Variants in MYT1L observed in about 807,000 individuals in gnomAD.
The protein encoded by MYT1L is myelin transcription factor 1-like protein.
MYT1L carries 12 observed loss-of-function variants against 126.7 expected under a neutral mutation model. The ratio of observed to expected loss-of-function variants is 0.09; its 90% CI spans 0.06 to 0.15. The LOEUF (loss-of-function observed/expected upper bound fraction) is 0.15. Among genes scored for constraint, MYT1L ranks in the 10% least tolerant of loss-of-function variants. The pLI is 1.00. For missense variants in MYT1L, 979 were observed against 1,585.2 expected, an observed-to-expected ratio of 0.62 and a Z score of 6.49; for synonymous variants, 541 against 604.2, an observed-to-expected ratio of 0.90 and a Z score of 1.53.
chr2:2,149,722 C>T (rs2085443608), intron 3 of MYT1L, among the ~76,000 whole-genome samples: 1 of 152,210 alleles, frequency 6.6e-6, no homozygotes, highest in Admixed American at 6.5e-5. Flanking sequence ...GAAGAAGGAA[C>T]AGAAGTTCCC....
chr2:2,017,677 C>T (rs990894498), intron 4 of MYT1L, among the ~76,000 whole-genome samples: 1 of 152,154 alleles, frequency 6.6e-6, no homozygotes, highest in African/African-American at 2.4e-5. Flanking sequence ...CTTTAGGTTG[C>T]AAAATTATAA....
At chr2:1,986,660 A>T (rs2061047663) in intron 5 of MYT1L, among the ~76,000 whole-genome samples, 2 of 152,198 alleles carry the variant, frequency 1.3e-5, no homozygotes, top group African/African-American at 2.4e-5. Context: ...TACGTCATGT[A>T]CGATAACAGC....
intron 18 of MYT1L, among the ~76,000 whole-genome samples, chr2:1,866,758 GGGGAGAGAGGCA>G (rs2045597872): frequency 1.9e-5 from 1 of 51,952 alleles, no homozygotes; most frequent in African/African-American, 1.1e-4. Context: ...AGAGAGGGAG[GGGGAGAGAGGCA>G]GAGAGAGAGA....
intron 3 of MYT1L, among the ~76,000 whole-genome samples, chr2:2,161,043 C>G (rs1223928421): frequency 6.6e-6 from 1 of 151,966 alleles, no homozygotes; most frequent in South Asian, 2.1e-4. Context: ...GTGGTGAAAC[C>G]CCATCTCTAC....
In MYT1L at chr2:1,943,445, C is replaced by T. The variant is rs2056889480; in HGVS notation, c.153-111G>A. 8.2e-7 allele frequency: 1 copy of T among 1,226,764 alleles called. No individual in the cohort carries two copies. Among genetic ancestry groups the T allele is most frequent in the Non-Finnish European group, 1.1e-6 (1 of 910,792 alleles). The allele number at this position is 1,226,764 out of a possible 1,614,324, so 76.0% of individuals were successfully genotyped here. On this transcript the variant is annotated intron_variant, in intron 8 of 24. Transcript: ENST00000647738. This position sits in a 1 kb window ranked among gnomAD's most constrained non-coding sequence, Gnocchi z 4.4. ...TTGATCAAGGTACTTAAAGGCTTAT[C>T]ATGAATGTCATCAGCACAAACACCA...
chr2:1,836,783 C>T (rs2040965399), intron 21 of MYT1L, among the ~76,000 whole-genome samples: 1 of 150,582 alleles, frequency 6.6e-6, no homozygotes, highest in Non-Finnish European at 1.5e-5. Flanking sequence ...TCAGCCTGCA[C>T]CCCAAGATCC....
At chr2:1,838,444 A>T (rs905712387) in intron 21 of MYT1L, among the ~76,000 whole-genome samples, 22 of 152,146 alleles carry the variant, frequency 1.4e-4, no homozygotes, top group African/African-American at 5.3e-4. Context: ...CAGAAAGGAA[A>T]CCATTGTAAA....
chr2:2,295,110 T>A (rs780956581), intron 1 of MYT1L, among the ~76,000 whole-genome samples: 11 of 152,008 alleles, frequency 7.2e-5, no homozygotes, highest in Non-Finnish European at 1.5e-4. Flanking sequence ...CTGATCACAG[T>A]CTGTGATACT....
intron 2 of MYT1L, among the ~76,000 whole-genome samples, chr2:2,226,307 A>G (rs2094007553): frequency 6.6e-6 from 1 of 152,030 alleles, no homozygotes; most frequent in African/African-American, 2.4e-5. Flanking sequence ...CAACATCATA[A>G]TTGAGGAGGA....
intron 1 of MYT1L, among the ~76,000 whole-genome samples, chr2:2,295,268 G>T (rs1472572635): frequency 6.6e-6 from 1 of 152,138 alleles, no homozygotes; most frequent in Non-Finnish European, 1.5e-5. Flanking sequence ...AGAGGAAACT[G>T]GTATCACACT....
rs117531752 is a variant in MYT1L at position 2,207,676 on chromosome 2, T to C, written c.-420-34688A>G. The stretch of plus-strand genomic sequence containing the variant: ...TCTAGAGGCCCTACAGTGAGACAAG[T>C]TTTGCATCACAGATTCTCTCAGGAT... On this transcript the variant is annotated intron_variant, in intron 2 of 24. Coordinates refer to ENST00000647738, the MANE Select transcript of MYT1L (RefSeq NM_001303052.2). Among the ~76,000 whole-genome samples, 28 of 152,238 alleles carry C rather than the reference T, an allele frequency of 1.8e-4. No individual in the cohort carries two copies. In the East Asian group the frequency reaches 5.4e-3, roughly 29 times the overall value.
At chr2:2,032,865 A>C (rs1574685297) in intron 4 of MYT1L, among the ~76,000 whole-genome samples, 5 of 101,510 alleles carry the variant, frequency 4.9e-5, no homozygotes, top group South Asian at 3.5e-4. Flanking sequence ...GCCTTATACA[A>C]CCCTCGCCCA....
chr2:1,819,049 G>C (rs999755092), intron 21 of MYT1L, among the ~76,000 whole-genome samples: 3 of 152,100 alleles, frequency 2.0e-5, no homozygotes, highest in Non-Finnish European at 4.4e-5. Flanking sequence ...ATGTCCACCT[G>C]CCTCAGGAAA....
intron 14 of MYT1L, among the ~76,000 whole-genome samples, chr2:1,897,279 C>T (rs187560336): frequency 6.6e-6 from 1 of 152,298 alleles, no homozygotes; most frequent in African/African-American, 2.4e-5. Context: ...ATCTTTTGGA[C>T]CACAATCAGC....
chr2:2,236,075 A>T (rs2094291010), intron 2 of MYT1L, among the ~76,000 whole-genome samples: 1 of 151,606 alleles, frequency 6.6e-6, no homozygotes, highest in African/African-American at 2.4e-5. Flanking sequence ...ATTACATCCC[A>T]ACCCAACCCA....
In MYT1L at chr2:1,801,950, C is replaced by T; in HGVS notation, c.3173-151G>A. ...TTAGAAAGGAAAAAATCATCACAAT[C>T]TCTGTGTCTTTCTATTCCCTACCAC... On this transcript the variant is annotated intron_variant, in intron 22 of 24. Coordinates refer to ENST00000647738, the MANE Select transcript of MYT1L (RefSeq NM_001303052.2). This position sits in a 1 kb window ranked among gnomAD's most constrained non-coding sequence, Gnocchi z 4.2. 1 of 584,368 alleles carries T rather than the reference C, an allele frequency of 1.7e-6. No individual in the cohort carries two copies. The highest frequency in any genetic ancestry group is 3.3e-5 in the Admixed American group (1 of 30,368). 36.2% of individuals were successfully genotyped at this position (584,368 alleles called of 1,614,324 possible).
chr2:2,160,578 G>A lies in MYT1L; in HGVS notation c.-304+12294C>T, dbSNP rs569790974. 2.8e-4 allele frequency among the ~76,000 whole-genome samples: 43 copies of A among 152,248 alleles called. No individual in the cohort carries two copies. In the South Asian group the frequency reaches 7.5e-3, roughly 26 times the overall value. On this transcript the variant is annotated intron_variant, in intron 3 of 24. Coordinates refer to ENST00000647738, the MANE Select transcript of MYT1L (RefSeq NM_001303052.2). ...CAGGCTGACAACCTGGGCAACATGCGTCCCTGTGCTGCCAACTGTAAGGCT... is the reference window on the plus strand; with the variant it reads ...CAGGCTGACAACCTGGGCAACATGCATCCCTGTGCTGCCAACTGTAAGGCT...
chr2:1,971,490 G>A (rs2059805601), intron 8 of MYT1L, among the ~76,000 whole-genome samples: 1 of 152,180 alleles, frequency 6.6e-6, no homozygotes, highest in Non-Finnish European at 1.5e-5. Flanking sequence ...CAGCACTTTG[G>A]GAGGCTGAGG....
At chr2:2,319,954 G>A (rs547173429) in intron 1 of MYT1L, among the ~76,000 whole-genome samples, 2 of 152,120 alleles carry the variant, frequency 1.3e-5, no homozygotes, top group African/African-American at 2.4e-5. Context: ...AAGGGGTCTC[G>A]CCTTTTCTCT....
Sources: allele counts gnomAD v4.1 joint callset (sites outside exome capture counted in the v4.1 genomes callset), GRCh38; gene constraint gnomAD v4.1.1; non-coding constraint Gnocchi (gnomAD v3.1); transcripts MANE v1.5; gene names NCBI Gene and HGNC (gene_info 2026-07-23, HGNC 2026-07-21).